The following ZBTB38 variants were observed in gnomAD, a reference collection of about 807,000 sequenced individuals.
ZBTB38 encodes zinc finger and BTB domain containing 38.
ZBTB38 carries 20 observed loss-of-function variants against 76.8 expected under a neutral mutation model. The ratio of observed to expected loss-of-function variants is 0.26; its 90% CI spans 0.18 to 0.38. The LOEUF is 0.38. ZBTB38 is among the 10% of genes least tolerant of loss of function. ZBTB38 has a pLI of 1.00. For synonymous variants in ZBTB38, 504 were observed against 544.2 expected (o/e 0.93, Z 1.03); for missense variants, 1,082 against 1,482.3 (o/e 0.73, Z 4.43).
rs775838567 is a variant in ZBTB38 at position 141,444,036 on chromosome 3, A to G, written c.1648A>G (p.Lys550Glu). 1 of 1,614,112 alleles carries G rather than the reference A, an allele frequency of 6.2e-7. No individual in the cohort carries two copies. The highest frequency in any genetic ancestry group is 1.3e-5 in the African/African-American group (1 of 74,948). Residue 550 changes from lysine to glutamate, a missense_variant, in exon 6 of 6, where the codon AAA (lysine) becomes GAA (glutamate). Around this residue, in one of 8 missense-constraint regions of ZBTB38, gnomAD observed 60 missense variants for 126.0 expected, o/e 0.48. Transcript: ENST00000321464. The surrounding 1 kb of genome is among the most constrained non-coding windows in gnomAD (Gnocchi z 5.1). ...CGATCATAGACTTTCCATCAGTAAA[A>G]AAACAGCAAATGGAGGCTTGAAGCC... ...AIDHRLSISK[K>E]TANGGLKPSV...
chr3:141,406,387 A>T (rs76153324), intron 5 of ZBTB38, among the ~76,000 whole-genome samples: 2 of 152,334 alleles, frequency 1.3e-5, no homozygotes, highest in African/African-American at 4.8e-5. Context: ...GGAAAGGAAT[A>T]GATGCAAAGG....
chr3:141,406,135 A>C (rs578169401), intron 5 of ZBTB38, among the ~76,000 whole-genome samples: 2 of 152,348 alleles, frequency 1.3e-5, no homozygotes, highest in East Asian at 3.9e-4. Flanking sequence ...GTGCCAAATG[A>C]TACAGTCTTG....
At chr3:141,346,952 A>G (rs1943381323) in intron 1 of ZBTB38, among the ~76,000 whole-genome samples, 1 of 152,064 alleles carries the variant, frequency 6.6e-6, no homozygotes, top group African/African-American at 2.4e-5. Context: ...TACTGAGGGA[A>G]ACAGCTGGTT....
rs904649814 is a variant in ZBTB38 at position 141,443,198 on chromosome 3, C to T, written c.810C>T (p.Ser270=). The T allele has an allele frequency of 5.0e-6, 8 of 1,614,134 alleles. No homozygotes were observed. The highest frequency in any genetic ancestry group is 2.7e-5 in the African/African-American group (2 of 74,934). ...PKTCRKPKTF[S]IPQDSDSATE... ...CATGCCGGAAGCCAAAGACATTCTC[C>T]ATACCACAGGATTCGGATTCAGCCA... is the stretch of plus-strand genomic sequence containing the variant. The change falls in exon 6 of 6, where the codon TCC becomes TCT. Residue 270 remains serine, a synonymous_variant. Transcript: ENST00000321464. The surrounding 1 kb of genome is among the most constrained non-coding windows in gnomAD (Gnocchi z 5.6).
chr3:141,383,953 A>G (rs1395330471), intron 3 of ZBTB38, among the ~76,000 whole-genome samples: 2 of 152,248 alleles, frequency 1.3e-5, no homozygotes, highest in Admixed American at 6.5e-5. Flanking sequence ...TACCCTTGCC[A>G]CTAGTAATCA....
intron 1 of ZBTB38, among the ~76,000 whole-genome samples, chr3:141,328,175 C>A (rs1942732424): frequency 6.6e-6 from 1 of 152,180 alleles, no homozygotes; most frequent in African/African-American, 2.4e-5. Flanking sequence ...TCCCAGTCTC[C>A]TTCATGGACT....
chr3:141,445,908 T>G lies in ZBTB38; in HGVS notation c.3520T>G (p.Phe1174Val). 1.9e-6 allele frequency: 3 copies of G among 1,607,714 alleles called. 1 individual carries two copies. The East Asian group carries it at 6.7e-5, about 36-fold the overall frequency. Residue 1174 changes from phenylalanine (F) to valine (V), a missense_variant, in exon 6 of 6, where the codon TTC becomes GTC. Phe to Val is a conservative substitution (Grantham distance 50). This residue lies in a region of ZBTB38 where 54 missense variants were observed against 57.9 expected (regional missense o/e 0.93). Transcript: ENST00000321464. This position sits in a 1 kb window ranked among gnomAD's most constrained non-coding sequence, Gnocchi z 6.5. ...ENSNPLENQHFIGSEDNDQKD... is the reference protein window; with the variant it reads ...ENSNPLENQHVIGSEDNDQKD... The stretch of plus-strand genomic sequence containing the variant: ...CTCAAATCCCTTGGAGAATCAACAT[T>G]TCATTGGTTCAGAAGACAATGACCA...
At chr3:141,337,872 G>C (rs1943061742) in intron 1 of ZBTB38, among the ~76,000 whole-genome samples, 1 of 152,132 alleles carries the variant, frequency 6.6e-6, no homozygotes, top group Non-Finnish European at 1.5e-5. Flanking sequence ...AGGCAAATCA[G>C]TTAGTAAGTG....
intron 5 of ZBTB38, among the ~76,000 whole-genome samples, chr3:141,416,389 G>T (rs892625972): frequency 6.6e-6 from 1 of 152,118 alleles, no homozygotes. Context: ...CTTTGCCCTG[G>T]ACTCACAGTG....
intron 1 of ZBTB38, among the ~76,000 whole-genome samples, chr3:141,331,499 G>A (rs1050939605): frequency 4.6e-5 from 7 of 152,126 alleles, no homozygotes; most frequent in African/African-American, 1.7e-4. Context: ...CAGCACTGAT[G>A]TTTATGCCTG....
intron 4 of ZBTB38, chr3:141,388,413 C>A (rs1172306903): frequency 6.6e-6 from 1 of 151,876 alleles, no homozygotes; most frequent in Non-Finnish European, 1.5e-5. Context: ...TGAGGAGTTA[C>A]AATTTTTAAA....
intron 2 of ZBTB38, among the ~76,000 whole-genome samples, chr3:141,371,045 C>CTTTCTTTTTTTTTTTTTTTT (rs1944498561): frequency 4.2e-5 from 3 of 72,012 alleles, no homozygotes; most frequent in African/African-American, 2.3e-4. Context: ...TTCTTTCTTT[C>CTTTCTTTTTTTTTTTTTTTT]TTTTTTTTTT....
intron 5 of ZBTB38, chr3:141,432,207 A>G (rs1459991697): frequency 1.0e-6 from 1 of 985,506 alleles, no homozygotes; most frequent in Non-Finnish European, 1.2e-6. Context: ...GTGCTGGCCC[A>G]GTATGGACTG....
intron 5 of ZBTB38, among the ~76,000 whole-genome samples, chr3:141,409,277 C>A (rs554588180): frequency 6.6e-6 from 1 of 152,202 alleles, no homozygotes; most frequent in East Asian, 1.9e-4. Context: ...AACTCCTGAC[C>A]TCAGGTGATC....
chr3:141,334,648 C>A (rs923967307), intron 1 of ZBTB38, among the ~76,000 whole-genome samples: 1 of 152,098 alleles, frequency 6.6e-6, no homozygotes, highest in Non-Finnish European at 1.5e-5. Flanking sequence ...GATACTCTCT[C>A]AGGCAGGGAC....
intron 5 of ZBTB38, among the ~76,000 whole-genome samples, chr3:141,439,987 C>T (rs1480913560): frequency 1.3e-5 from 2 of 152,212 alleles, no homozygotes; most frequent in African/African-American, 4.8e-5. Flanking sequence ...GACTCCTTCA[C>T]TCCGGGGTCA....
At chr3:141,401,364 G>A (rs1215070243) in intron 4 of ZBTB38, among the ~76,000 whole-genome samples, 3 of 143,966 alleles carry the variant, frequency 2.1e-5, no homozygotes, top group Non-Finnish European at 4.4e-5. Flanking sequence ...CCAAACTGTC[G>A]GCCTTCAAAA....
intron 2 of ZBTB38, among the ~76,000 whole-genome samples, chr3:141,380,246 T>C (rs1576810529): frequency 6.6e-6 from 1 of 152,358 alleles, no homozygotes; most frequent in African/African-American, 2.4e-5. Context: ...AAACACGCTC[T>C]GCCACTGAGG....
At chr3:141,406,800 G>A (rs2149714736) in intron 5 of ZBTB38, among the ~76,000 whole-genome samples, 1 of 152,324 alleles carries the variant, frequency 6.6e-6, no homozygotes, top group African/African-American at 2.4e-5. Context: ...GGTTCCTAAT[G>A]GAGGGAGCCA....
Sources: allele counts gnomAD v4.1 joint callset (sites outside exome capture counted in the v4.1 genomes callset), GRCh38; gene constraint gnomAD v4.1.1; regional missense constraint gnomAD v4.1.1; non-coding constraint Gnocchi (gnomAD v3.1); transcripts MANE v1.5; gene names NCBI Gene and HGNC (gene_info 2026-07-23, HGNC 2026-07-21).